Variants in OLAH observed in about 807,000 individuals in gnomAD.
The protein encoded by OLAH is oleoyl-ACP hydrolase, also known as S-acyl fatty acid synthase thioesterase, medium chain.
Under a neutral mutation model 27.8 loss-of-function variants are expected in OLAH, and 33 were observed. The ratio of observed to expected loss-of-function variants is 1.19; its 90% confidence interval spans 0.90 to 1.59. The LOEUF is 1.59. Ranked by LOEUF, OLAH falls within the 40% of genes most tolerant of loss-of-function variation. The pLI, the probability that OLAH is intolerant of heterozygous loss-of-function variation, is 0.00. For synonymous variants in OLAH, 120 were observed against 102.9 expected (o/e 1.17, Z -1.01); for missense variants, 359 against 310.8 (o/e 1.16, Z -1.17).
At chr10:15,035,573 G>A (rs1843829251) in intron 1 of OLAH, among the ~76,000 whole-genome samples, 1 of 152,088 alleles carries the variant, frequency 6.6e-6, no homozygotes, top group Admixed American at 6.6e-5. Flanking sequence ...ACCAAGCCAC[G>A]TGGGATCCGC....
chr10:15,058,119 C>T (rs1589246971), intron 3 of OLAH, among the ~76,000 whole-genome samples: 1 of 152,278 alleles, frequency 6.6e-6, no homozygotes, highest in Admixed American at 6.5e-5. Flanking sequence ...CAATATTGAT[C>T]CATGAGTGAG....
At chr10:15,047,354 C>T in intron 2 of OLAH, 34 bp downstream of exon 2, 1 of 1,608,754 alleles carries the variant, frequency 6.2e-7, no homozygotes, top group Non-Finnish European at 8.5e-7. Context: ...GGCTCTTCCT[C>T]CATCCCAGGG....
chr10:15,064,618 G>C (rs1388320220), intron 5 of OLAH, 116 bp downstream of exon 5: 16 of 607,126 alleles, frequency 2.6e-5, no homozygotes, highest in Non-Finnish European at 4.5e-5. Context: ...ATGATGGTGG[G>C]GATACTAATA....
At chr10:15,032,758 A>G (rs1843779453) in intron 1 of OLAH, among the ~76,000 whole-genome samples, 1 of 152,246 alleles carries the variant, frequency 6.6e-6, no homozygotes, top group Non-Finnish European at 1.5e-5. Flanking sequence ...CTCAAAAGGC[A>G]ACAAAATCAG....
At chr10:15,045,082 T>C (rs1843989791) in intron 1 of OLAH, among the ~76,000 whole-genome samples, 1 of 152,208 alleles carries the variant, frequency 6.6e-6, no homozygotes, top group Admixed American at 6.5e-5. Flanking sequence ...AATGAAAGCA[T>C]CTTGAGGAGA....
At chr10:15,069,524 C>T (rs551554579) in intron 6 of OLAH, among the ~76,000 whole-genome samples, 2 of 152,222 alleles carry the variant, frequency 1.3e-5, no homozygotes, top group African/African-American at 4.8e-5. Context: ...TCTAGCCTCT[C>T]GCCTCACTCC....
At chr10:15,068,453 C>T (rs552660991) in intron 6 of OLAH, among the ~76,000 whole-genome samples, 24 of 152,196 alleles carry the variant, frequency 1.6e-4, no homozygotes, top group African/African-American at 4.6e-4. Flanking sequence ...AGTGCAATGG[C>T]GCGATCTCAG....
At chr10:15,057,178 T>G (rs1231973504) in intron 3 of OLAH, among the ~76,000 whole-genome samples, 1 of 152,146 alleles carries the variant, frequency 6.6e-6, no homozygotes, top group African/African-American at 2.4e-5. Context: ...TCACAGTTAT[T>G]TGCCTATTTT....
At chr10:15,068,011 G>C (rs1242220395) in intron 6 of OLAH, 1 of 152,264 alleles carries the variant, frequency 6.6e-6, no homozygotes, top group African/African-American at 2.4e-5. Context: ...CAAATCTCTT[G>C]CAAGTTCTGT....
At chr10:15,042,309 G>A (rs1487038701), upstream of OLAH, among the ~76,000 whole-genome samples, 10 of 151,664 alleles carry the variant, frequency 6.6e-5, no homozygotes, top group Admixed American at 2.0e-4. Flanking sequence ...CCGCCATCAC[G>A]CCCAGCTAAT....
chr10:15,046,070 G>T (rs369136298), intron 1 of OLAH, among the ~76,000 whole-genome samples: 5 of 151,626 alleles, frequency 3.3e-5, no homozygotes, highest in African/African-American at 1.2e-4. Flanking sequence ...ATCTGGCCGG[G>T]TGTGGTGGCT....
chr10:15,033,370 G>T (rs1843789097), intron 1 of OLAH, among the ~76,000 whole-genome samples: 1 of 152,052 alleles, frequency 6.6e-6, no homozygotes, highest in South Asian at 2.1e-4. Context: ...ATATCAGCAA[G>T]ATCATTTCCT....
rs889314512 is a variant in OLAH at position 15,073,457 on chromosome 10, G to A, written c.*228G>A. 7.5e-5 allele frequency: 30 copies of A among 400,110 alleles called. No individual in the cohort carries two copies. The highest frequency in any genetic ancestry group is 7.2e-4 in the Middle Eastern group (1 of 1,380). The allele number at this position is 400,110 out of a possible 1,614,324, so 24.8% of individuals were successfully genotyped here. ...GGGCGGATCACGAGGTCAGGAGATC[G>A]AGACCGTCCTGGCTAACACCGTGAA... is the stretch of plus-strand genomic sequence containing the variant. On this transcript the variant is annotated 3_prime_UTR_variant, in exon 8 of 8. Transcript: ENST00000378228.
At chr10:15,055,514 C>T (rs928817794) in intron 3 of OLAH, among the ~76,000 whole-genome samples, 3 of 152,294 alleles carry the variant, frequency 2.0e-5, no homozygotes, top group East Asian at 1.9e-4. Context: ...AGCCAACACT[C>T]TGATATCAAG....
upstream of OLAH, among the ~76,000 whole-genome samples, chr10:15,040,665 C>G (rs1843906176): frequency 6.7e-6 from 1 of 149,460 alleles, no homozygotes; most frequent in South Asian, 2.2e-4. Flanking sequence ...ACCCCGTTTT[C>G]TACTCCTATT....
intron 6 of OLAH, among the ~76,000 whole-genome samples, chr10:15,066,765 C>T (rs753006505): frequency 3.3e-5 from 5 of 152,086 alleles, no homozygotes; most frequent in East Asian, 1.9e-4. Flanking sequence ...CTCAGCCTCC[C>T]GAGTAGCTGG....
intron 6 of OLAH, 32 bp from the exon 7 acceptor site, chr10:15,071,763 A>T: frequency 6.4e-7 from 1 of 1,559,108 alleles, no homozygotes; most frequent in Non-Finnish European, 8.8e-7. Context: ...TTGATTTCAA[A>T]CAATTACTAA....
chr10:15,053,703 TTTCTG>T (rs1392028451), intron 3 of OLAH, among the ~76,000 whole-genome samples: 1 of 152,088 alleles, frequency 6.6e-6, no homozygotes, highest in African/African-American at 2.4e-5. Flanking sequence ...TCCTTTTTTG[TTTCTG>T]TTCTAAGCTT....
chr10:15,034,804 C>CTTTT (rs71505056), intron 1 of OLAH, among the ~76,000 whole-genome samples: 49 of 83,476 alleles, frequency 5.9e-4, no homozygotes, highest in Admixed American at 3.2e-3. Context: ...TTCTTTCTTT[C>CTTTT]TTTTTTTTTT....
Sources: allele counts gnomAD v4.1 joint callset (sites outside exome capture counted in the v4.1 genomes callset), GRCh38; gene constraint gnomAD v4.1.1; transcripts MANE v1.5; gene names NCBI Gene and HGNC (gene_info 2026-07-23, HGNC 2026-07-21).